The following FNDC1 variants were observed in gnomAD, a reference collection of about 807,000 sequenced individuals.
FNDC1 encodes the protein fibronectin type III domain containing 1.
FNDC1 carries 96 observed loss-of-function variants against 168.0 expected under a neutral mutation model. The observed-to-expected ratio is 0.57, with a 90% CI of 0.48 to 0.68. FNDC1 has a LOEUF of 0.68. FNDC1 is among the 30% of genes least tolerant of loss of function. FNDC1 has a pLI of 0.00. For synonymous variants in FNDC1, 1,099 were observed against 1,025.9 expected (o/e 1.07, Z -1.36); for missense variants, 2,587 against 2,482.1 (o/e 1.04, Z -0.90).
At chr6:159,191,723 A>G (rs1023044182) in intron 1 of FNDC1, among the ~76,000 whole-genome samples, 1 of 152,240 alleles carries the variant, frequency 6.6e-6, no homozygotes, top group African/African-American at 2.4e-5. Flanking sequence ...CCTGATATTT[A>G]TTGAATGCTG....
At chr6:159,181,201 G>GT (rs1306784962) in intron 1 of FNDC1, among the ~76,000 whole-genome samples, 1 of 152,160 alleles carries the variant, frequency 6.6e-6, no homozygotes, top group Non-Finnish European at 1.5e-5. Context: ...GTATCTCATT[G>GT]TGGTTTTGAC....
At chr6:159,229,738 C>T in intron 9 of FNDC1, 77 bp from the exon 10 acceptor site, 1 of 1,314,264 alleles carries the variant, frequency 7.6e-7, no homozygotes, top group Non-Finnish European at 1.0e-6. Context: ...CTAATTCGTC[C>T]TGCCCATACA....
At chr6:159,171,875 G>A (rs1211638895) in intron 1 of FNDC1, among the ~76,000 whole-genome samples, 1 of 152,156 alleles carries the variant, frequency 6.6e-6, no homozygotes, top group Non-Finnish European at 1.5e-5. Context: ...AATTTTCCAT[G>A]TCAAAACTAT....
Position 159,169,710 on chromosome 6 carries a change from GCGCCGCGCC to G in FNDC1, c.109+8_109+16del, listed in dbSNP as rs2114907705. 1 of 1,128,076 alleles carries G rather than the reference GCGCCGCGCC, an allele frequency of 8.9e-7. No homozygotes were observed. Among genetic ancestry groups the G allele is most frequent in the East Asian group, 4.2e-5 (1 of 23,908 alleles). The allele number at this position is 1,128,076 out of a possible 1,614,324, so 69.9% of individuals were successfully genotyped here. A position where few individuals can be genotyped will look rare whatever the true frequency, so the allele number is the denominator to read the frequency against. On this transcript the variant is annotated splice_donor_region_variant and intron_variant, in intron 1 of 22. Coordinates refer to ENST00000297267, the MANE Select transcript of FNDC1 (RefSeq NM_032532.3). This position sits in a 1 kb window ranked among gnomAD's most constrained non-coding sequence, Gnocchi z 6.8. ...CCTCCTCGGCGGCGGCCTCAGGTAC[GCGCCGCGCC>G]CGGGCCCCCGGCGCTCCTCAGCTCC...
intron 19 of FNDC1, among the ~76,000 whole-genome samples, chr6:159,264,372 A>G (rs988365773): frequency 1.3e-5 from 2 of 152,348 alleles, no homozygotes; most frequent in African/African-American, 4.8e-5. Flanking sequence ...CTCACCTAGC[A>G]TAATCATTTT....
intron 5 of FNDC1, chr6:159,218,223 A>C (rs1209277544): frequency 6.6e-6 from 1 of 152,214 alleles, no homozygotes; most frequent in Non-Finnish European, 1.5e-5. Flanking sequence ...CTGCTGGCTC[A>C]CCGGAACATA....
Position 159,233,472 on chromosome 6 carries a change from A to G in FNDC1, c.2960A>G (p.Gln987Arg), listed in dbSNP as rs780414070. The G allele has an allele frequency of 6.2e-7, 1 of 1,606,146 alleles. No homozygotes were observed. The highest frequency in any genetic ancestry group is 8.5e-7 in the Non-Finnish European group (1 of 1,178,708). Residue 987 changes from glutamine to arginine, a missense_variant, in exon 11 of 23, where the codon CAG becomes CGG. By Grantham distance (43) the Gln-to-Arg change is conservative. Coordinates refer to ENST00000297267, the MANE Select transcript of FNDC1 (RefSeq NM_032532.3). The surrounding 1 kb of genome is among the most constrained non-coding windows in gnomAD (Gnocchi z 4.6). ...GCTCGTCCGCCCGCAGCACGGTCACAGCAGCATCCCAGTGTTCCCAGAAGG... is the reference window on the plus strand; with the variant it reads ...GCTCGTCCGCCCGCAGCACGGTCACGGCAGCATCCCAGTGTTCCCAGAAGG... ...SPARPPAARS[Q>R]QHPSVPRRMT... is the part of the protein sequence containing the mutation.
intron 4 of FNDC1, among the ~76,000 whole-genome samples, chr6:159,209,144 G>A (rs1217602599): frequency 2.6e-5 from 4 of 152,124 alleles, no homozygotes; most frequent in African/African-American, 9.7e-5. Flanking sequence ...ACCATGCCCA[G>A]GCTACTTTTA....
rs1223706733 is a variant in FNDC1, at chr6:159,266,168, C to T, written c.5369C>T (p.Thr1790Met). ...DCHGRQYVKR[T>M]WYRKFVGVVL... ...CATGGACGGCAATATGTGAAGCGCA[C>T]GTGGTATCGAAAGTTCGTGGGAGTT... Residue 1790 changes from threonine to methionine, a missense_variant, in exon 21 of 23, where the codon ACG becomes ATG. Physicochemically the swap from Thr to Met is moderately conservative, Grantham distance 81. Transcript: ENST00000297267. The T allele has an allele frequency of 5.6e-6, 9 of 1,613,968 alleles. No individual in the cohort carries two copies. The highest frequency in any genetic ancestry group is 1.3e-5 in the African/African-American group (1 of 75,040).
intron 4 of FNDC1, among the ~76,000 whole-genome samples, chr6:159,203,061 G>A (rs1782411447): frequency 6.6e-6 from 1 of 152,186 alleles, no homozygotes; most frequent in African/African-American, 2.4e-5. Flanking sequence ...TTGTGAACAT[G>A]CATCCTTGGT....
chr6:159,249,048 T>A lies in FNDC1; in HGVS notation c.4700T>A (p.Phe1567Tyr). ...AYVIYDEDYE[F>Y]ETSRPPTTTE... is the part of the protein sequence containing the mutation. ...CTTCATATCATTTCAGATTATGAAT[T>A]TGAGACGTCAAGGCCACCAACCACC... Residue 1567 changes from phenylalanine (F) to tyrosine (Y), a missense_variant, in exon 16 of 23, where the codon TTT (phenylalanine) becomes TAT (tyrosine). By Grantham distance (22) the Phe-to-Tyr change is conservative. Coordinates refer to ENST00000297267, the MANE Select transcript of FNDC1 (RefSeq NM_032532.3). 1.3e-6 allele frequency: 2 copies of A among 1,597,988 alleles called. No homozygotes were observed. Among genetic ancestry groups the A allele is most frequent in the South Asian group, 2.3e-5 (2 of 87,824 alleles).
At position 159,215,005 on chromosome 6, in the gene FNDC1, C is replaced by T. The variant is rs1204400361; in HGVS notation, c.521C>T (p.Ser174Phe). The change falls in exon 5 of 23, where the codon TCC (serine) becomes TTC (phenylalanine). Residue 174 changes from serine (S) to phenylalanine (F), a missense_variant. Coordinates refer to ENST00000297267, the MANE Select transcript of FNDC1 (RefSeq NM_032532.3). ...VRVRSSDDRL[S>F]VAWKAPRLSG... The stretch of plus-strand genomic sequence containing the variant: ...GTCCGGTCCTCAGATGACAGGCTGT[C>T]CGTTGCGTGGAAGGCACCACGCCTG... 3.7e-6 allele frequency: 6 copies of T among 1,613,904 alleles called. No homozygotes were observed. Among genetic ancestry groups the T allele is most frequent in the Non-Finnish European group, 4.2e-6 (5 of 1,179,912 alleles).
Position 159,239,747 on chromosome 6 carries a change from GCCACCACCCGCCGCACGA to G in FNDC1, c.4436_4453del (p.Thr1479_Thr1484del), listed in dbSNP as rs3842694. Reference sequence around the variant, plus strand: ...CACTACAACCCCGAGGCCCACCACTGCCACCACCCGCCGCACGACCACCACCCGCCGCACGACCACCAG... The same window carrying G: ...CACTACAACCCCGAGGCCCACCACTGCCACCACCCGCCGCACGACCACCAG... On this transcript the variant is annotated inframe_deletion, in exon 14 of 23. Transcript: ENST00000297267. 0.88 allele frequency: 1,354,443 copies of G among 1,544,170 alleles called. 596,591 individuals carry two copies. Among genetic ancestry groups the G allele is most frequent in the Middle Eastern group, 0.91 (4,564 of 5,030 alleles).
rs759838614 is a variant in FNDC1 at position 159,233,669 on chromosome 6, T to G, written c.3157T>G (p.Ser1053Ala). 4.5e-6 allele frequency: 7 copies of G among 1,549,866 alleles called. No individual in the cohort carries two copies. Among genetic ancestry groups the G allele is most frequent in the Non-Finnish European group, 5.2e-6 (6 of 1,147,924 alleles). The stretch of plus-strand genomic sequence containing the variant: ...GTCGCAGGGCCGCTCCCACTCCTCC[T>G]CGGACCCTTACACGGCGAGCTCCAG... ...PTSQGRSHSSSDPYTASSRGM... is the reference protein window; with the variant it reads ...PTSQGRSHSSADPYTASSRGM... Residue 1053 changes from serine to alanine, a missense_variant, in exon 11 of 23, where the codon TCG (serine) becomes GCG (alanine). By Grantham distance (99) the Ser-to-Ala change is moderately conservative. Transcript: ENST00000297267. The surrounding 1 kb of genome is among the most constrained non-coding windows in gnomAD (Gnocchi z 4.6).
At position 159,225,655 on chromosome 6, in the gene FNDC1, C is replaced by T. The variant is rs1157100018; in HGVS notation, c.1005C>T (p.Val335=). 6 of 1,613,694 alleles carry T rather than the reference C, an allele frequency of 3.7e-6. No individual in the cohort carries two copies. The Admixed American group carries it at 5.0e-5, about 13-fold the overall frequency. ...LIPDTVYEFA[V]RISQGERDGK... ...CAGACACTGTGTATGAATTTGCAGT[C>T]CGTATTTCACAGGGTGAAAGAGATG... The change falls in exon 8 of 23, where the codon GTC becomes GTT. Residue 335 remains valine, a synonymous_variant. Transcript: ENST00000297267.
chr6:159,223,569 G>A lies in FNDC1; in HGVS notation c.808G>A (p.Val270Ile). The A allele has an allele frequency of 6.2e-7, 1 of 1,613,812 alleles. No homozygotes were observed. The highest frequency in any genetic ancestry group is 8.5e-7 in the Non-Finnish European group (1 of 1,179,780). ...TGTACCTGACGACATCAGCGTCCGG[G>A]TTATGTCATCTCAGTCTGTGCTTGT... ...LDVPDDISVRVMSSQSVLVSW... is the reference protein window; with the variant it reads ...LDVPDDISVRIMSSQSVLVSW... The change falls in exon 7 of 23, where the codon GTT (valine) becomes ATT (isoleucine). Residue 270 changes from valine to isoleucine, a missense_variant. Transcript: ENST00000297267.
At chr6:159,211,847 T>C (rs1421309196) in intron 4 of FNDC1, among the ~76,000 whole-genome samples, 2 of 152,242 alleles carry the variant, frequency 1.3e-5, no homozygotes, top group Non-Finnish European at 2.9e-5. Flanking sequence ...TAGCCTGTAA[T>C]AGATTCGATT....
intron 4 of FNDC1, among the ~76,000 whole-genome samples, chr6:159,201,050 T>G (rs569140489): frequency 6.6e-6 from 1 of 152,388 alleles, no homozygotes; most frequent in South Asian, 2.1e-4. Flanking sequence ...CTGCTCCATA[T>G]TTGTGTATCT....
rs1269992043 is a variant in FNDC1 at position 159,233,510 on chromosome 6, C to T, written c.2998C>T (p.Arg1000Trp). 1.2e-6 allele frequency: 2 copies of T among 1,602,640 alleles called. No homozygotes were observed. Among genetic ancestry groups the T allele is most frequent in the Non-Finnish European group, 1.7e-6 (2 of 1,177,844 alleles). ...PSVPRRMTPG[R>W]APQQQPPPPV... ...TGTTCCCAGAAGGATGACACCCGGC[C>T]GGGCCCCACAACAGCAGCCCCCTCC... The change falls in exon 11 of 23, where the codon CGG (arginine) becomes TGG (tryptophan). Residue 1000 changes from arginine (R) to tryptophan (W), a missense_variant. Physicochemically the swap from Arg to Trp is moderately radical, Grantham distance 101. Coordinates refer to ENST00000297267, the MANE Select transcript of FNDC1 (RefSeq NM_032532.3). This position sits in a 1 kb window ranked among gnomAD's most constrained non-coding sequence, Gnocchi z 4.6.
Sources: gnomAD v4.1 joint callset for allele counts (sites outside exome capture counted in the v4.1 genomes callset) on GRCh38, gnomAD v4.1.1 for gene constraint, Gnocchi (gnomAD v3.1) non-coding constraint, MANE v1.5 for transcripts, NCBI Gene and HGNC (gene_info 2026-07-23, HGNC 2026-07-21) for gene names.